FRMD3: variants seen among roughly 807,000 people sequenced by gnomAD.
FRMD3 encodes FERM domain-containing protein 3.
A neutral mutation model predicts 70.2 loss-of-function variants in FRMD3; 33 were observed. The ratio of observed to expected loss-of-function variants is 0.47; its 90% CI spans 0.36 to 0.63. FRMD3 has a LOEUF of 0.63. Among genes scored for constraint, FRMD3 ranks in the 20% least tolerant of loss-of-function variants. FRMD3 has a pLI of 0.00. For synonymous variants in FRMD3, 279 were observed against 255.9 expected, an observed-to-expected ratio of 1.09 and a Z score of -0.86; for missense variants, 632 against 711.4, an observed-to-expected ratio of 0.89 and a Z score of 1.27.
upstream of FRMD3, among the ~76,000 whole-genome samples, chr9:83,539,256 C>T (rs1055700022): frequency 3.3e-5 from 5 of 152,314 alleles, no homozygotes; most frequent in African/African-American, 7.2e-5. Flanking sequence ...GAATTCCCCA[C>T]GCGCCTCCAG....
chr9:83,444,292 C>T (rs1041739116), intron 1 of FRMD3, among the ~76,000 whole-genome samples: 1 of 152,214 alleles, frequency 6.6e-6, no homozygotes, highest in African/African-American at 2.4e-5. Context: ...TCCCTGACCC[C>T]GCCCTTTCCC....
intron 1 of FRMD3, among the ~76,000 whole-genome samples, chr9:83,405,773 A>G (rs1826083940): frequency 2.0e-5 from 3 of 149,912 alleles, no homozygotes; most frequent in Admixed American, 2.0e-4. Flanking sequence ...AAAAAAAAAA[A>G]GAAAGAAAGT....
At chr9:83,315,167 G>A (rs969891168) in intron 6 of FRMD3, among the ~76,000 whole-genome samples, 1 of 151,858 alleles carries the variant, frequency 6.6e-6, no homozygotes, top group Non-Finnish European at 1.5e-5. Flanking sequence ...CCCTCTGAGG[G>A]TACCACTTCA....
chr9:83,473,619 A>C (rs924614692), intron 1 of FRMD3, among the ~76,000 whole-genome samples: 2 of 152,068 alleles, frequency 1.3e-5, no homozygotes, highest in African/African-American at 4.8e-5. Flanking sequence ...CTATCTTAGA[A>C]ACAGAAAGTA....
intron 1 of FRMD3, among the ~76,000 whole-genome samples, chr9:83,445,380 A>G (rs1377181213): frequency 8.5e-6 from 1 of 117,354 alleles, no homozygotes; most frequent in Non-Finnish European, 1.7e-5. Flanking sequence ...ATAGATAGAT[A>G]GACAGATAGA....
Position 83,343,259 on chromosome 9 carries a change from C to T in FRMD3, c.403G>A (p.Asp135Asn). 2 of 1,613,350 alleles carry T rather than the reference C, an allele frequency of 1.2e-6. No homozygotes were observed. Among genetic ancestry groups the T allele is most frequent in the South Asian group, 1.1e-5 (1 of 91,062 alleles). ...RYLLYLQIKR[D>N]IFHGRLLCSF... The stretch of plus-strand genomic sequence containing the variant: ...CACAGCAGGCGGCCATGAAAAATGT[C>T]CCTTTTAATCTGAAGGTATAAAAGG... The change falls in exon 5 of 14, where the codon GAC (aspartate) becomes AAC (asparagine). Residue 135 changes from aspartate to asparagine, a missense_variant. By Grantham distance (23) the Asp-to-Asn change is conservative (BLOSUM62 1). This residue lies in a region of FRMD3 where 208 missense variants were observed against 247.7 expected (regional missense o/e 0.84). Transcript: ENST00000304195.
At chr9:83,288,463 A>T (rs1359898666) in intron 13 of FRMD3, among the ~76,000 whole-genome samples, 1 of 152,246 alleles carries the variant, frequency 6.6e-6, no homozygotes, top group African/African-American at 2.4e-5. Flanking sequence ...AATTGAGTCT[A>T]TATCATGAAA....
intron 1 of FRMD3, among the ~76,000 whole-genome samples, chr9:83,494,224 C>A (rs1387603215): frequency 6.6e-6 from 1 of 152,158 alleles, no homozygotes; most frequent in African/African-American, 2.4e-5. Context: ...GAGATGAATG[C>A]ATTTCATCAT....
At chr9:83,515,002 A>G (rs760482609) in intron 1 of FRMD3, among the ~76,000 whole-genome samples, 4 of 152,244 alleles carry the variant, frequency 2.6e-5, no homozygotes, top group Non-Finnish European at 4.4e-5. Context: ...TCCATGAAGA[A>G]GAGGAAAAAA....
chr9:83,311,375 C>T (rs755100785), intron 8 of FRMD3, among the ~76,000 whole-genome samples: 1 of 152,066 alleles, frequency 6.6e-6, no homozygotes, highest in Non-Finnish European at 1.5e-5. Flanking sequence ...AACTGCTCCA[C>T]GTTTGCTCTG....
chr9:83,243,248 G>A, downstream of FRMD3: 1 of 1,547,360 alleles, frequency 6.5e-7, no homozygotes, highest in Non-Finnish European at 8.7e-7. Flanking sequence ...AAGAGAAAAG[G>A]AGAGAGGGAG....
chr9:83,304,750 C>T (rs948758009), intron 10 of FRMD3, among the ~76,000 whole-genome samples: 3 of 152,222 alleles, frequency 2.0e-5, no homozygotes, highest in Non-Finnish European at 2.9e-5. Flanking sequence ...TCCCTCAATG[C>T]GTCCAGTGTG....
intron 5 of FRMD3, among the ~76,000 whole-genome samples, chr9:83,342,067 C>CTCTCTCTCTCTCTA (rs1823777326): frequency 6.6e-6 from 1 of 151,758 alleles, no homozygotes. Flanking sequence ...CTCTCTCTCT[C>CTCTCTCTCTCTCTA]TCTCTCTTTC....
intron 6 of FRMD3, 53 bp from the exon 7 acceptor site, chr9:83,313,800 T>C (rs868085363): frequency 3.8e-6 from 5 of 1,301,754 alleles, no homozygotes; most frequent in Middle Eastern, 1.8e-4. Context: ...GAATAGAAAC[T>C]CGGAATCCCT....
downstream of FRMD3, among the ~76,000 whole-genome samples, chr9:83,244,184 TAG>T (rs1355298163): frequency 1.3e-5 from 2 of 151,480 alleles, no homozygotes; most frequent in Non-Finnish European, 2.9e-5. Flanking sequence ...CGTGAACAGA[TAG>T]AGAAGTTTAA....
At position 83,538,337 on chromosome 9, in the gene FRMD3, C is replaced by A; in HGVS notation, c.-106G>T. The A allele has an allele frequency of 8.9e-7, 1 of 1,117,844 alleles. No individual in the cohort carries two copies. The highest frequency in any genetic ancestry group is 1.2e-6 in the Non-Finnish European group (1 of 862,480). 69.2% of individuals were successfully genotyped at this position (1,117,844 alleles called of 1,614,324 possible). A position where few individuals can be genotyped will look rare whatever the true frequency, so the allele number is the denominator to read the frequency against. ...CTGTCCGGGACACCTGGGCGCGGCT[C>A]AGCCCCGGGACATCGGCAGCGTCGG... On this transcript the variant is annotated 5_prime_UTR_variant, in exon 1 of 14. It removes the in-frame stop codon of an upstream open reading frame in the 5' UTR. Transcript: ENST00000304195. The surrounding 1 kb of genome is among the most constrained non-coding windows in gnomAD (Gnocchi z 4.7).
chr9:83,303,889 C>A (rs2131026717), intron 10 of FRMD3, among the ~76,000 whole-genome samples: 1 of 152,326 alleles, frequency 6.6e-6, no homozygotes, highest in East Asian at 1.9e-4. Flanking sequence ...GGCAGTCACT[C>A]CCTGATTCCC....
intron 1 of FRMD3, among the ~76,000 whole-genome samples, chr9:83,511,593 G>A (rs1362235273): frequency 6.6e-6 from 1 of 152,198 alleles, no homozygotes. Flanking sequence ...GAAGTATCTG[G>A]CTGATGGCTT....
intron 1 of FRMD3, among the ~76,000 whole-genome samples, chr9:83,476,902 G>T (rs1425527134): frequency 1.3e-5 from 2 of 152,144 alleles, no homozygotes; most frequent in African/African-American, 2.4e-5. Context: ...TGAAATAATA[G>T]GTTCATTGCC....
Sources: allele counts gnomAD v4.1 joint callset (sites outside exome capture counted in the v4.1 genomes callset), GRCh38; gene constraint gnomAD v4.1.1; regional missense constraint gnomAD v4.1.1; non-coding constraint Gnocchi (gnomAD v3.1); transcripts MANE v1.5; gene names NCBI Gene and HGNC (gene_info 2026-07-23, HGNC 2026-07-21).